The following HDAC9 variants were observed in gnomAD, a reference collection of about 807,000 sequenced individuals.
HDAC9 encodes histone deacetylase 9, also known as MEF-2 interacting transcription repressor (MITR) protein.
Under a neutral mutation model 139.4 loss-of-function variants are expected in HDAC9, and 41 were observed. The observed-to-expected ratio is 0.29, with a 90% CI of 0.23 to 0.38. HDAC9 has a LOEUF of 0.38. Ranked by LOEUF, HDAC9 falls within the 10% of genes least tolerant of loss-of-function variation. The pLI is 1.00. For missense variants in HDAC9, 1,147 were observed against 1,297.0 expected, an observed-to-expected ratio of 0.88 and a Z score of 1.78; for synonymous variants, 517 against 476.2, an observed-to-expected ratio of 1.09 and a Z score of -1.12.
intron 12 of HDAC9, among the ~76,000 whole-genome samples, chr7:18,670,977 G>T (rs1391462405): frequency 3.3e-5 from 5 of 150,024 alleles, no homozygotes; most frequent in African/African-American, 1.2e-4. Flanking sequence ...TCTTTTTTCT[G>T]ACCATAGCCG....
At chr7:18,594,314 G>A (rs547006692) in intron 6 of HDAC9, among the ~76,000 whole-genome samples, 67 of 152,014 alleles carry the variant, frequency 4.4e-4, no homozygotes, top group Middle Eastern at 3.4e-3. Context: ...TAAAAATTTC[G>A]TATCTCGGAA....
chr7:18,810,379 A>T (rs1164994619), intron 17 of HDAC9, among the ~76,000 whole-genome samples: 1 of 151,886 alleles, frequency 6.6e-6, no homozygotes, highest in Non-Finnish European at 1.5e-5. Flanking sequence ...GGGAGTTAGT[A>T]TGTGGGCACC....
intron 2 of HDAC9, among the ~76,000 whole-genome samples, chr7:18,521,234 C>T (rs1319488808): frequency 1.3e-5 from 2 of 152,088 alleles, no homozygotes; most frequent in Non-Finnish European, 2.9e-5. Context: ...TCTTGGATGT[C>T]TTGCTTTTTG....
chr7:18,111,789 G>C (rs1313474781), intron 1 of HDAC9, among the ~76,000 whole-genome samples: 3 of 152,194 alleles, frequency 2.0e-5, no homozygotes, highest in African/African-American at 7.2e-5. Context: ...GGAAAGGGTT[G>C]GGAATGTTGC....
chr7:18,654,042 A>G (rs915581509), intron 11 of HDAC9, among the ~76,000 whole-genome samples: 1 of 152,150 alleles, frequency 6.6e-6, no homozygotes, highest in African/African-American at 2.4e-5. Flanking sequence ...GTTATAATGT[A>G]GAACTATTTT....
chr7:18,237,606 A>G (rs1313440624), intron 2 of HDAC9, among the ~76,000 whole-genome samples: 3 of 152,208 alleles, frequency 2.0e-5, no homozygotes, highest in Non-Finnish European at 4.4e-5. Flanking sequence ...AATGGTCAGA[A>G]TAAAAGGAAA....
chr7:18,596,403 A>G (rs561109145), intron 6 of HDAC9, among the ~76,000 whole-genome samples: 12 of 152,276 alleles, frequency 7.9e-5, no homozygotes, highest in Middle Eastern at 3.4e-3. Flanking sequence ...TTTTATAAAT[A>G]TAATCCATTT....
intron 2 of HDAC9, among the ~76,000 whole-genome samples, chr7:18,181,567 C>T (rs1174029273): frequency 6.6e-6 from 1 of 152,150 alleles, no homozygotes; most frequent in Non-Finnish European, 1.5e-5. Flanking sequence ...GAGGTCAAAG[C>T]ACGCATCAGC....
chr7:18,992,608 TAAAC>T (rs1445434533), intron 25 of HDAC9, among the ~76,000 whole-genome samples: 5 of 152,268 alleles, frequency 3.3e-5, no homozygotes, highest in African/African-American at 9.6e-5. Flanking sequence ...TAATATAAAT[TAAAC>T]AAATGCTATT....
chr7:18,444,742 A>G (rs2128096840), intron 1 of HDAC9, among the ~76,000 whole-genome samples: 1 of 152,318 alleles, frequency 6.6e-6, no homozygotes, highest in Non-Finnish European at 1.5e-5. Flanking sequence ...CATGTTTTGC[A>G]CCAGAATATA....
At chr7:18,600,999 T>A (rs1259602169) in intron 6 of HDAC9, among the ~76,000 whole-genome samples, 1 of 152,176 alleles carries the variant, frequency 6.6e-6, no homozygotes, top group African/African-American at 2.4e-5. Flanking sequence ...AGATGGAGTT[T>A]TGCTATGTTG....
intron 22 of HDAC9, among the ~76,000 whole-genome samples, chr7:18,905,284 C>CTATATGGTAAGAG (rs1802127824): frequency 6.6e-6 from 1 of 152,184 alleles, no homozygotes; most frequent in Admixed American, 6.5e-5. Context: ...GTGGCCTTGC[C>CTATATGGTAAGAG]ATATATCTCT....
chr7:18,190,468 A>G (rs961683043), intron 2 of HDAC9, among the ~76,000 whole-genome samples: 53 of 152,182 alleles, frequency 3.5e-4, no homozygotes, highest in African/African-American at 1.3e-3. Context: ...ATGTTTCTCA[A>G]CTTACAATGG....
chr7:18,825,730 TTGTA>T (rs1218256107), intron 17 of HDAC9, among the ~76,000 whole-genome samples: 2 of 148,382 alleles, frequency 1.3e-5, no homozygotes, highest in African/African-American at 4.9e-5. Flanking sequence ...AAATATATAT[TTGTA>T]TGTAATTATA....
chr7:18,890,257 T>G (rs1487681907), intron 22 of HDAC9, among the ~76,000 whole-genome samples: 1 of 152,228 alleles, frequency 6.6e-6, no homozygotes, highest in Non-Finnish European at 1.5e-5. Context: ...GCATAGCAAC[T>G]CTTAATGCAT....
At chr7:18,592,414 G>A (rs970086995) in intron 5 of HDAC9, among the ~76,000 whole-genome samples, 3 of 152,056 alleles carry the variant, frequency 2.0e-5, no homozygotes, top group Admixed American at 6.6e-5. Flanking sequence ...AAAACTCAGG[G>A]CAAAGAACTG....
chr7:18,746,197 A>T (rs1787961227), intron 13 of HDAC9, among the ~76,000 whole-genome samples: 1 of 152,140 alleles, frequency 6.6e-6, no homozygotes, highest in South Asian at 2.1e-4. Context: ...AATGAGGTGG[A>T]TGTTATACTT....
chr7:18,420,031 G>C (rs1244958941), intron 1 of HDAC9, among the ~76,000 whole-genome samples: 2 of 152,142 alleles, frequency 1.3e-5, no homozygotes, highest in Non-Finnish European at 2.9e-5. Context: ...AAAAAGCTCT[G>C]CTAGTCTATA....
At chr7:18,671,363 A>C (rs564841289) in intron 12 of HDAC9, among the ~76,000 whole-genome samples, 2 of 152,090 alleles carry the variant, frequency 1.3e-5, no homozygotes, top group African/African-American at 4.8e-5. Context: ...CTGGTTGCTC[A>C]GTCATCTACC....
Sources: gnomAD v4.1 joint callset for allele counts (sites outside exome capture counted in the v4.1 genomes callset) on GRCh38, gnomAD v4.1.1 for gene constraint, MANE v1.5 for transcripts, NCBI Gene and HGNC (gene_info 2026-07-23, HGNC 2026-07-21) for gene names.